Variants in MYRIP observed in about 807,000 individuals in gnomAD.
MYRIP encodes the protein rab effector MyRIP.
A neutral mutation model predicts 98.0 loss-of-function variants in MYRIP; 49 were observed. That is an observed-to-expected ratio of 0.50 (90% confidence interval 0.40 to 0.63). The LOEUF (loss-of-function observed/expected upper bound fraction) is 0.63, where lower values mean the gene tolerates loss of function less well. Ranked by LOEUF, MYRIP falls within the 30% of genes least tolerant of loss-of-function variation. The pLI is 0.00. For missense variants in MYRIP, 1,004 were observed against 1,058.2 expected (o/e 0.95, Z 0.71); for synonymous variants, 404 against 409.5 (o/e 0.99, Z 0.16).
intron 2 of MYRIP, among the ~76,000 whole-genome samples, chr3:40,029,251 C>T (rs1947205962): frequency 6.6e-6 from 1 of 152,160 alleles, no homozygotes; most frequent in African/African-American, 2.4e-5. Flanking sequence ...GGAAATATCA[C>T]CTCTGTTCTG....
At chr3:40,221,321 C>A (rs913318093) in intron 11 of MYRIP, among the ~76,000 whole-genome samples, 3 of 152,106 alleles carry the variant, frequency 2.0e-5, no homozygotes. Context: ...TGAGATGCCA[C>A]TTTTGCCTAA....
At chr3:39,907,230 T>G (rs1943900295) in intron 2 of MYRIP, among the ~76,000 whole-genome samples, 1 of 152,178 alleles carries the variant, frequency 6.6e-6, no homozygotes, top group Admixed American at 6.5e-5. Flanking sequence ...ACATCTACAG[T>G]GTAGCATATC....
At chr3:39,817,544 G>A (rs1039584360) in intron 1 of MYRIP, among the ~76,000 whole-genome samples, 1 of 151,886 alleles carries the variant, frequency 6.6e-6, no homozygotes, top group Non-Finnish European at 1.5e-5. Context: ...TTAAAATGGT[G>A]GAACTAATTT....
intron 3 of MYRIP, among the ~76,000 whole-genome samples, chr3:40,088,613 C>T (rs1948676829): frequency 6.6e-6 from 1 of 152,154 alleles, no homozygotes; most frequent in Non-Finnish European, 1.5e-5. Flanking sequence ...CCCAACCCTA[C>T]AGAGCTAGTG....
At chr3:39,942,155 G>A (rs1944800209) in intron 2 of MYRIP, among the ~76,000 whole-genome samples, 1 of 152,082 alleles carries the variant, frequency 6.6e-6, no homozygotes, top group African/African-American at 2.4e-5. Flanking sequence ...GCAACTCTGT[G>A]GGCTTAGTAC....
chr3:40,163,405 G>A (rs1475576176), intron 5 of MYRIP, among the ~76,000 whole-genome samples: 1 of 152,200 alleles, frequency 6.6e-6, no homozygotes, highest in Non-Finnish European at 1.5e-5. Context: ...GCTAAGGGAT[G>A]CCCAGATAGC....
intron 2 of MYRIP, among the ~76,000 whole-genome samples, chr3:39,950,578 G>A (rs1282993421): frequency 6.6e-6 from 1 of 152,080 alleles, no homozygotes; most frequent in African/African-American, 2.4e-5. Flanking sequence ...TATTTTTGGT[G>A]TCTGACCTCA....
intron 3 of MYRIP, among the ~76,000 whole-genome samples, chr3:40,113,874 A>C (rs1949213887): frequency 6.6e-6 from 1 of 152,022 alleles, no homozygotes; most frequent in Non-Finnish European, 1.5e-5. Context: ...TATTTTTAGT[A>C]GAGACAGGGT....
chr3:39,990,862 G>A (rs1208135627), intron 2 of MYRIP, among the ~76,000 whole-genome samples: 1 of 152,176 alleles, frequency 6.6e-6, no homozygotes, highest in Non-Finnish European at 1.5e-5. Context: ...GAACATGGAT[G>A]AAGCTGGAAA....
chr3:40,234,592 A>G (rs1320689879), intron 12 of MYRIP, among the ~76,000 whole-genome samples: 4 of 152,180 alleles, frequency 2.6e-5, no homozygotes, highest in African/African-American at 9.7e-5. Context: ...AAGGAGATCC[A>G]AGGGGATCCA....
At position 40,044,132 on chromosome 3, in the gene MYRIP, A is replaced by G; in HGVS notation, c.193A>G (p.Met65Val). ...CCAGCAGTTTGTGGAGCACTGCTGC[A>G]TGCGCTGCTGCTCGCCCTTCACCTT... ...KHQQFVEHCC[M>V]RCCSPFTFLV... The change falls in exon 3 of 17, where the codon ATG becomes GTG. Residue 65 changes from methionine (M) to valine (V), a missense_variant. Coordinates refer to ENST00000302541, the MANE Select transcript of MYRIP (RefSeq NM_015460.4). 1.9e-6 allele frequency: 3 copies of G among 1,614,200 alleles called. No individual in the cohort carries two copies. Among genetic ancestry groups the G allele is most frequent in the Non-Finnish European group, 2.5e-6 (3 of 1,180,032 alleles).
chr3:39,980,262 C>T (rs1575433634), intron 2 of MYRIP, among the ~76,000 whole-genome samples: 1 of 152,194 alleles, frequency 6.6e-6, no homozygotes, highest in Non-Finnish European at 1.5e-5. Context: ...ATTAATTGTA[C>T]AACAGACTTG....
intron 1 of MYRIP, among the ~76,000 whole-genome samples, chr3:39,830,038 C>T (rs140753413): frequency 3.9e-5 from 6 of 152,278 alleles, no homozygotes; most frequent in African/African-American, 1.4e-4. Flanking sequence ...CTTATGTTCT[C>T]TGACAACCAA....
chr3:39,957,707 G>C (rs1445009908), intron 2 of MYRIP, among the ~76,000 whole-genome samples: 5 of 151,868 alleles, frequency 3.3e-5, no homozygotes, highest in African/African-American at 1.2e-4. Flanking sequence ...AGAAATAAAG[G>C]GTATTCAATT....
intron 3 of MYRIP, among the ~76,000 whole-genome samples, chr3:40,108,197 GA>G (rs1949088376): frequency 6.7e-6 from 1 of 148,278 alleles, no homozygotes; most frequent in African/African-American, 2.5e-5. Context: ...GAGAGAGAGA[GA>G]GAGAGAGAGA....
At position 40,212,245 on chromosome 3, in the gene MYRIP, C is replaced by CGT. The variant is rs1559456920; in HGVS notation, c.1905+2152_1905+2153insGT. On this transcript the variant is annotated intron_variant, in intron 11 of 16. Coordinates refer to ENST00000302541, the MANE Select transcript of MYRIP (RefSeq NM_015460.4). Reference sequence around the variant, plus strand: ...ATATATACACACACACACACACACACATATATATATATACACGTATATATA... The same window carrying CGT: ...ATATATACACACACACACACACACACGTATATATATATATACACGTATATATA... Among the ~76,000 whole-genome samples, 24 of 72,498 alleles carry CGT rather than the reference C, an allele frequency of 3.3e-4. 3 individuals carry two copies. The highest frequency in any genetic ancestry group is 1.7e-3 in the East Asian group (6 of 3,430). 47.6% of individuals were successfully genotyped at this position (72,498 alleles called of 152,430 possible). A position where few individuals can be genotyped will look rare whatever the true frequency, so the allele number is the denominator to read the frequency against.
At chr3:40,256,156 T>G (rs1953582178) in intron 16 of MYRIP, among the ~76,000 whole-genome samples, 1 of 152,180 alleles carries the variant, frequency 6.6e-6, no homozygotes, top group Admixed American at 6.5e-5. Flanking sequence ...CACATGTAGC[T>G]AGTGGCCACC....
chr3:40,081,309 T>C lies in MYRIP; in HGVS notation c.332+37038T>C, dbSNP rs1948474599. Among the ~76,000 whole-genome samples the C allele has an allele frequency of 2.0e-5, 3 of 152,230 alleles. No individual in the cohort carries two copies. The South Asian group carries it at 6.2e-4, about 31-fold the overall frequency. ...TCTTCCTCAATTTTTGACTGCTTGT[T>C]ATATCAATTACTGAAAAAGGCATTT... On this transcript the variant is annotated intron_variant, in intron 3 of 16. Transcript: ENST00000302541.
chr3:40,184,574 A>G (rs977610591), intron 9 of MYRIP, among the ~76,000 whole-genome samples: 7 of 152,218 alleles, frequency 4.6e-5, no homozygotes, highest in African/African-American at 7.2e-5. Flanking sequence ...CTACTGCATT[A>G]TAAGTGTCTC....
Sources: gnomAD v4.1 joint callset for allele counts (sites outside exome capture counted in the v4.1 genomes callset) on GRCh38, gnomAD v4.1.1 for gene constraint, MANE v1.5 for transcripts, NCBI Gene and HGNC (gene_info 2026-07-23, HGNC 2026-07-21) for gene names.